The following NSL1 variants were observed in gnomAD, a reference collection of about 807,000 sequenced individuals.
NSL1 encodes the protein NSL1 component of MIS12 kinetochore complex, also known as kinetochore-associated protein NSL1 homolog.
A neutral mutation model predicts 25.4 loss-of-function variants in NSL1; 11 were observed. That is an observed-to-expected ratio of 0.43 (90% CI 0.27 to 0.72). The LOEUF is 0.72. Ranked by LOEUF, NSL1 falls within the 30% of genes least tolerant of loss-of-function variation. The probability of loss-of-function intolerance (pLI) is 0.19; values close to 1 mark genes in which losing one functional copy is unlikely to be tolerated. For missense variants in NSL1, 330 were observed against 342.7 expected (o/e 0.96, Z 0.29); for synonymous variants, 118 against 120.6 (o/e 0.98, Z 0.14).
At position 212,728,680 on chromosome 1, in the gene NSL1, C is replaced by A. The variant is rs764235978; in HGVS notation, c.*9728G>T. 3 of 985,456 alleles carry A rather than the reference C, an allele frequency of 3.0e-6. No homozygotes were observed. In the African/African-American group the frequency reaches 5.2e-5, roughly 17 times the overall value. The allele number at this position is 985,456 out of a possible 1,614,324, so 61.0% of individuals were successfully genotyped here. A position where few individuals can be genotyped will look rare whatever the true frequency, so the allele number is the denominator to read the frequency against. On this transcript the variant is annotated 3_prime_UTR_variant, in exon 6 of 6. Coordinates refer to ENST00000366977, the MANE Select transcript of NSL1 (RefSeq NM_015471.4). ...CAGGCTTATCTGCACATCACTTATA[C>A]CATTTGGTGAGATCTCTGGAGAATG... is the stretch of plus-strand genomic sequence containing the variant.
intron 4 of NSL1, among the ~76,000 whole-genome samples, chr1:212,781,066 T>C (rs563911974): frequency 5.9e-5 from 9 of 152,342 alleles, no homozygotes; most frequent in African/African-American, 2.2e-4. Context: ...AAGGAACTGA[T>C]GCTATTCTAA....
Position 212,764,929 on chromosome 1 carries a change from A to G in NSL1, c.499+17443T>C, listed in dbSNP as rs1659737687. Among the ~76,000 whole-genome samples, 3 of 151,678 alleles carry G rather than the reference A, an allele frequency of 2.0e-5. No homozygotes were observed. The South Asian group carries it at 6.2e-4, about 32-fold the overall frequency. ...TTGTAACTGATACCACAGAAATACA[A>G]AAGGTCATTCAAGGCTACTATGAAC... On this transcript the variant is annotated intron_variant, in intron 4 of 5. Transcript: ENST00000366977.
In NSL1 at chr1:212,749,933, T is replaced by C. The variant is rs1002197142; in HGVS notation, c.500-10332A>G. On this transcript the variant is annotated intron_variant, in intron 4 of 5. Coordinates refer to ENST00000366977, the MANE Select transcript of NSL1 (RefSeq NM_015471.4). ...TGCTGGACATATGAGACATCTAGTA[T>C]GCCTGGCCCCTGACTACAAAGTGCC... is the stretch of plus-strand genomic sequence containing the variant. 1.1e-4 allele frequency among the ~76,000 whole-genome samples: 16 copies of C among 149,044 alleles called. No individual in the cohort carries two copies. The East Asian group carries it at 3.1e-3, about 29-fold the overall frequency.
intron 4 of NSL1, among the ~76,000 whole-genome samples, chr1:212,763,475 A>C (rs1197309149): frequency 6.6e-6 from 1 of 152,226 alleles, no homozygotes; most frequent in Admixed American, 6.5e-5. Flanking sequence ...TAAATGTTCC[A>C]CTTAAAAGAT....
intron 4 of NSL1, among the ~76,000 whole-genome samples, chr1:212,745,192 A>G (rs1359824853): frequency 1.5e-5 from 1 of 66,950 alleles, no homozygotes; most frequent in Non-Finnish European, 3.2e-5. Flanking sequence ...ATATATATAT[A>G]TATATATATA....
intron 4 of NSL1, among the ~76,000 whole-genome samples, chr1:212,752,000 T>A (rs1202902333): frequency 6.6e-6 from 1 of 152,202 alleles, no homozygotes; most frequent in Non-Finnish European, 1.5e-5. Context: ...ATGGGCTTTC[T>A]CGAGGACCAT....
At position 212,728,822 on chromosome 1, in the gene NSL1, C is replaced by T. The variant is rs186748414; in HGVS notation, c.*9586G>A. 12 of 985,342 alleles carry T rather than the reference C, an allele frequency of 1.2e-5. No individual in the cohort carries two copies. The South Asian group carries it at 1.9e-4, about 15-fold the overall frequency. The allele number at this position is 985,342 out of a possible 1,614,324, so 61.0% of individuals were successfully genotyped here. On this transcript the variant is annotated 3_prime_UTR_variant, in exon 6 of 6. Transcript: ENST00000366977. ...ACTCTGACTCGAGGAGGGCCCTCAG[C>T]GCAGAGAAAATTAAGTCTAGTGTTT...
At chr1:212,777,943 G>A (rs1301922938) in intron 4 of NSL1, among the ~76,000 whole-genome samples, 6 of 152,232 alleles carry the variant, frequency 3.9e-5, no homozygotes, top group African/African-American at 1.4e-4. Flanking sequence ...GAGCAAGAGT[G>A]AAACAAGAAG....
chr1:212,790,040 G>C (rs1000023862), intron 1 of NSL1, among the ~76,000 whole-genome samples: 8 of 151,766 alleles, frequency 5.3e-5, no homozygotes, highest in African/African-American at 1.7e-4. Context: ...TTGAGATGGA[G>C]TCTCGCTCTG....
intron 4 of NSL1, among the ~76,000 whole-genome samples, chr1:212,779,046 C>T (rs1486433167): frequency 2.1e-5 from 3 of 144,644 alleles, no homozygotes; most frequent in East Asian, 2.0e-4. Context: ...CGCCTCTGCC[C>T]GGCCACGACC....
intron 4 of NSL1, among the ~76,000 whole-genome samples, chr1:212,748,383 T>C (rs562343104): frequency 6.6e-5 from 10 of 152,212 alleles, no homozygotes; most frequent in African/African-American, 1.9e-4. Context: ...TTTCTAGATA[T>C]ATATCTACGA....
chr1:212,773,856 A>G (rs1311100422), intron 4 of NSL1, among the ~76,000 whole-genome samples: 1 of 152,224 alleles, frequency 6.6e-6, no homozygotes, highest in Non-Finnish European at 1.5e-5. Flanking sequence ...CTATTCCATC[A>G]TAAAAAAGAA....
intron 4 of NSL1, among the ~76,000 whole-genome samples, chr1:212,774,890 G>GC (rs1477956544): frequency 6.6e-6 from 1 of 152,208 alleles, no homozygotes; most frequent in Non-Finnish European, 1.5e-5. Context: ...GTTCACAGCA[G>GC]CATCATTCGT....
At position 212,782,436 on chromosome 1, in the gene NSL1, A is replaced by C. The variant is rs746508580; in HGVS notation, c.445-10T>G. ...CAGGGTGGTACTGCTTCTAAACATA[A>C]CATAAATTAAAACAGATTTAATCAC... On this transcript the variant is annotated splice_polypyrimidine_tract_variant and intron_variant, in intron 3 of 5. Transcript: ENST00000366977. 5 of 1,590,460 alleles carry C rather than the reference A, an allele frequency of 3.1e-6. No individual in the cohort carries two copies. The South Asian group carries it at 5.5e-5, about 18-fold the overall frequency.
rs368371128 is a variant in NSL1, at chr1:212,739,585, A to G, written c.516T>C (p.Asn172=). 1 of 1,613,434 alleles carries G rather than the reference A, an allele frequency of 6.2e-7. No individual in the cohort carries two copies. Among genetic ancestry groups the G allele is most frequent in the Non-Finnish European group, 8.5e-7 (1 of 1,179,658 alleles). The change falls in exon 5 of 6, where the codon AAT becomes AAC. Residue 172 remains asparagine, a synonymous_variant. Transcript: ENST00000366977. ...YDPDPAPHME[N]LKCRGETVAK... ...CTACTGTTTCCCCTCTGCATTTCAA[A>G]TTTTCCATATGAGGGGCTGCAAAAA...
chr1:212,733,097 C>T lies in NSL1; in HGVS notation c.*5311G>A, dbSNP rs1020849184. Among the ~76,000 whole-genome samples, 1 of 152,130 alleles carries T rather than the reference C, an allele frequency of 6.6e-6. No homozygotes were observed. Among genetic ancestry groups the T allele is most frequent in the African/African-American group, 2.4e-5 (1 of 41,410 alleles). On this transcript the variant is annotated 3_prime_UTR_variant, in exon 6 of 6. Coordinates refer to ENST00000366977, the MANE Select transcript of NSL1 (RefSeq NM_015471.4). ...AATGGTTTTCAGTATATTCAACAAG[C>T]AGTCGTGAATCACCATAATCAAATT...
At chr1:212,756,860 A>G (rs1279476272) in intron 4 of NSL1, among the ~76,000 whole-genome samples, 1 of 152,166 alleles carries the variant, frequency 6.6e-6, no homozygotes, top group Non-Finnish European at 1.5e-5. Context: ...AAAACTGGGC[A>G]TCCCAAAGTT....
intron 5 of NSL1, 145 bp downstream of exon 5, chr1:212,739,389 T>G (rs1658390690): frequency 1.4e-6 from 1 of 693,580 alleles, no homozygotes; most frequent in Admixed American, 3.0e-5. Context: ...AATGTTACTG[T>G]TGCTTAATAA....
chr1:212,750,527 C>T (rs746199337), intron 4 of NSL1, among the ~76,000 whole-genome samples: 2 of 152,038 alleles, frequency 1.3e-5, no homozygotes, highest in Non-Finnish European at 2.9e-5. Flanking sequence ...AGAAGGTTCC[C>T]AGAGAAGTAT....
Sources: gnomAD v4.1 joint callset for allele counts (sites outside exome capture counted in the v4.1 genomes callset) on GRCh38, gnomAD v4.1.1 for gene constraint, MANE v1.5 for transcripts, NCBI Gene and HGNC (gene_info 2026-07-23, HGNC 2026-07-21) for gene names.